CACNA1A: variants seen among roughly 807,000 people sequenced by gnomAD.
The protein encoded by CACNA1A is voltage-dependent P/Q-type calcium channel subunit alpha-1A.
In CACNA1A, 57 loss-of-function variants were observed where a neutral mutation model predicts 262.4. That is an observed-to-expected ratio of 0.22 (90% CI 0.18 to 0.27). The LOEUF (loss-of-function observed/expected upper bound fraction) is 0.27. Ranked by LOEUF, CACNA1A falls within the 10% of genes least tolerant of loss-of-function variation. The probability of loss-of-function intolerance (pLI) is 1.00; values close to 1 mark genes in which losing one functional copy is unlikely to be tolerated. For missense variants in CACNA1A, 2,526 were observed against 3,562.8 expected, an observed-to-expected ratio of 0.71 and a Z score of 7.41; for synonymous variants, 1,431 against 1,419.3, an observed-to-expected ratio of 1.01 and a Z score of -0.18.
chr19:13,388,535 C>T (rs867488472), intron 3 of CACNA1A, among the ~76,000 whole-genome samples: 3 of 152,216 alleles, frequency 2.0e-5, no homozygotes, highest in Middle Eastern at 6.8e-3. Context: ...GGGTTACAGG[C>T]GTGAGCCACC....
Position 13,365,384 on chromosome 19 carries a change from A to C in CACNA1A, c.717T>G (p.Ile239Met). Residue 239 changes from isoleucine to methionine, a missense_variant, in exon 5 of 47, where the codon ATT (isoleucine) becomes ATG (methionine). Ile to Met is a conservative substitution (Grantham distance 10). Coordinates refer to ENST00000360228, the MANE Select transcript of CACNA1A (RefSeq NM_001127222.2). ...IGLLLFFAIL[I>M]FAIIGLEFYM... ...AAAATTCTAACCCTATGATTGCAAA[A>C]ATAAGGATTGCAAAAAATAGGAGGA... 1 of 1,613,658 alleles carries C rather than the reference A, an allele frequency of 6.2e-7. No individual in the cohort carries two copies. The highest frequency in any genetic ancestry group is 1.3e-5 in the African/African-American group (1 of 75,046).
chr19:13,410,436 T>G (rs552569488), intron 3 of CACNA1A, among the ~76,000 whole-genome samples: 1 of 152,094 alleles, frequency 6.6e-6, no homozygotes, highest in Admixed American at 6.5e-5. Context: ...CTCACTATGT[T>G]GTCCAGGCTA....
chr19:13,403,307 A>T (rs919679214), intron 3 of CACNA1A, among the ~76,000 whole-genome samples: 10 of 152,140 alleles, frequency 6.6e-5, no homozygotes, highest in African/African-American at 2.4e-4. Context: ...AGGTTTATAC[A>T]TATGAACTCA....
chr19:13,212,282 G>A lies in CACNA1A; in HGVS notation c.6190-66C>T, dbSNP rs1321062122. On this transcript the variant is annotated intron_variant, in intron 42 of 46. Transcript: ENST00000360228. This position sits in a 1 kb window ranked among gnomAD's most constrained non-coding sequence, Gnocchi z 5.6. ...GACCTCCAGATCCCTGGTGTCTGCA[G>A]AGGGAGGGAGCTGCAGGTGTGTGTG... The A allele has an allele frequency of 1.0e-5, 16 of 1,577,228 alleles. No individual in the cohort carries two copies. The highest frequency in any genetic ancestry group is 1.3e-5 in the African/African-American group (1 of 74,406).
chr19:13,272,644 TGA>T (rs564691979), intron 24 of CACNA1A: 7 of 144,006 alleles, frequency 4.9e-5, no homozygotes, highest in African/African-American at 1.8e-4. Context: ...AGATAGAAAC[TGA>T]GAGGGGGTAA....
At chr19:13,413,501 G>T (rs1353866174) in intron 3 of CACNA1A, among the ~76,000 whole-genome samples, 1 of 149,920 alleles carries the variant, frequency 6.7e-6, no homozygotes, top group African/African-American at 2.5e-5. Context: ...GAGCCCAGGA[G>T]GTCACGGCTG....
chr19:13,345,303 A>G (rs2058744221), intron 6 of CACNA1A, among the ~76,000 whole-genome samples: 1 of 152,146 alleles, frequency 6.6e-6, no homozygotes, highest in African/African-American at 2.4e-5. Flanking sequence ...TGCAGATGGC[A>G]TGGGTGGGAC....
intron 3 of CACNA1A, among the ~76,000 whole-genome samples, chr19:13,449,949 T>C (rs2060884793): frequency 1.3e-5 from 2 of 152,080 alleles, no homozygotes; most frequent in South Asian, 4.2e-4. Context: ...AAGACCAGCC[T>C]GGCCAACATG....
rs1168453769 is a variant in CACNA1A, at chr19:13,499,214, T to C, written c.293+6718A>G. On this transcript the variant is annotated intron_variant, in intron 1 of 46. Transcript: ENST00000360228. ...AAAAGGGGAAGAGGGAAGCTAATTA[T>C]ATACTTTAAAACTCCCTCACCTTGT... 2.0e-5 allele frequency among the ~76,000 whole-genome samples: 3 copies of C among 152,076 alleles called. No individual in the cohort carries two copies. The East Asian group carries it at 5.8e-4, about 29-fold the overall frequency.
At chr19:13,419,796 A>G (rs2060285946) in intron 3 of CACNA1A, among the ~76,000 whole-genome samples, 1 of 151,932 alleles carries the variant, frequency 6.6e-6, no homozygotes, top group Admixed American at 6.6e-5. Flanking sequence ...TAAAATGAAG[A>G]AAATCCTGGC....
At chr19:13,497,562 ATATATATATAT>A (rs2145157797) in intron 1 of CACNA1A, among the ~76,000 whole-genome samples, 1 of 41,852 alleles carries the variant, frequency 2.4e-5, no homozygotes, top group African/African-American at 9.5e-5. Context: ...ATATATATAT[ATATATATATAT>A]ATATATAAAT....
intron 37 of CACNA1A, chr19:13,227,063 G>C (rs1417086005): frequency 1.3e-5 from 2 of 156,282 alleles, no homozygotes; most frequent in Non-Finnish European, 2.8e-5. Flanking sequence ...TGGGTGGGCA[G>C]AAGTGGGAAG....
chr19:13,434,541 G>A (rs185627724), intron 3 of CACNA1A, among the ~76,000 whole-genome samples: 6 of 152,196 alleles, frequency 3.9e-5, no homozygotes, highest in East Asian at 3.9e-4. Context: ...TCTCGAGATC[G>A]TGAGTGAGTT....
intron 5 of CACNA1A, chr19:13,363,467 A>C (rs979750275): frequency 4.0e-5 from 6 of 150,952 alleles, no homozygotes; most frequent in African/African-American, 1.2e-4. Flanking sequence ...GGAGAGAAAG[A>C]GACAGGAGGA....
At chr19:13,338,696 G>A (rs965252683) in intron 6 of CACNA1A, among the ~76,000 whole-genome samples, 4 of 152,148 alleles carry the variant, frequency 2.6e-5, no homozygotes, top group Admixed American at 6.6e-5. Flanking sequence ...GTACCCTTGC[G>A]GGGAGGTAGT....
At chr19:13,344,744 ATTT>A (rs2058733776) in intron 6 of CACNA1A, among the ~76,000 whole-genome samples, 1 of 98,180 alleles carries the variant, frequency 1.0e-5, no homozygotes, top group East Asian at 8.2e-4. Flanking sequence ...TATTTTATTT[ATTT>A]ATTTATTTAT....
At chr19:13,297,809 C>CA (rs906851596) in intron 19 of CACNA1A, among the ~76,000 whole-genome samples, 4 of 149,672 alleles carry the variant, frequency 2.7e-5, no homozygotes, top group Admixed American at 1.3e-4. Flanking sequence ...GACCCTGTGT[C>CA]AAAAAAACAA....
At position 13,241,563 on chromosome 19, in the gene CACNA1A, G is replaced by T; in HGVS notation, c.4950+3619C>A. The T allele has an allele frequency of 8.4e-7, 1 of 1,188,534 alleles. No individual in the cohort carries two copies. Among genetic ancestry groups the T allele is most frequent in the South Asian group, 1.3e-5 (1 of 77,276 alleles). 73.6% of individuals were successfully genotyped at this position (1,188,534 alleles called of 1,614,324 possible). A position where few individuals can be genotyped will look rare whatever the true frequency, so the allele number is the denominator to read the frequency against. On this transcript the variant is annotated intron_variant, in intron 31 of 46. Transcript: ENST00000360228. This position sits in a 1 kb window ranked among gnomAD's most constrained non-coding sequence, Gnocchi z 4.0. The stretch of plus-strand genomic sequence containing the variant: ...TGTTGAAGATGAGGGGGAGCGGGCG[G>T]GCGGGGGCAGTTGGGGAGGCGTGTT...
At chr19:13,382,996 T>G (rs1358708922) in intron 3 of CACNA1A, among the ~76,000 whole-genome samples, 1 of 152,172 alleles carries the variant, frequency 6.6e-6, no homozygotes, top group East Asian at 1.9e-4. Flanking sequence ...ATCCCAGTTC[T>G]CTACTGTGTC....
Sources: allele counts gnomAD v4.1 joint callset (sites outside exome capture counted in the v4.1 genomes callset), GRCh38; gene constraint gnomAD v4.1.1; non-coding constraint Gnocchi (gnomAD v3.1); transcripts MANE v1.5; gene names NCBI Gene and HGNC (gene_info 2026-07-23, HGNC 2026-07-21).